Variants in SHISA9 observed in about 807,000 individuals in gnomAD.
SHISA9 encodes protein shisa-9.
A neutral mutation model predicts 38.0 loss-of-function variants in SHISA9; 13 were observed. The ratio of observed to expected loss-of-function variants is 0.34; its 90% CI spans 0.22 to 0.54. SHISA9 has a LOEUF of 0.54. Among genes scored for constraint, SHISA9 ranks in the 20% least tolerant of loss-of-function variants. SHISA9 has a pLI of 0.91. For missense variants in SHISA9, 538 were observed against 575.8 expected (o/e 0.93, Z 0.67); for synonymous variants, 275 against 242.0 (o/e 1.14, Z -1.27).
the SHISA9 span, among the ~76,000 whole-genome samples, chr16:13,475,357 A>G: frequency 6.6e-6 from 1 of 151,718 alleles, no homozygotes; most frequent in Admixed American, 6.6e-5. Flanking sequence ...TCACATATAT[A>G]TTTATATATA....
At chr16:13,026,922 C>G (rs2072929663) in intron 2 of SHISA9, among the ~76,000 whole-genome samples, 1 of 152,164 alleles carries the variant, frequency 6.6e-6, no homozygotes, top group African/African-American at 2.4e-5. Flanking sequence ...CCCCTCCCCT[C>G]CTTGATCAGA....
intron 2 of SHISA9, among the ~76,000 whole-genome samples, chr16:13,121,668 G>A (rs2050211800): frequency 6.6e-6 from 1 of 152,058 alleles, no homozygotes; most frequent in Non-Finnish European, 1.5e-5. Flanking sequence ...TGCTCTGCAA[G>A]CATCCACACC....
intron 3 of SHISA9, among the ~76,000 whole-genome samples, chr16:13,207,434 T>C (rs529645348): frequency 5.9e-5 from 9 of 152,058 alleles, no homozygotes; most frequent in African/African-American, 1.9e-4. Context: ...CTGAAATGTT[T>C]GTTGAATGAA....
At chr16:13,288,514 G>A in the SHISA9 span, among the ~76,000 whole-genome samples, 803 of 152,160 alleles carry the variant, frequency 5.3e-3, 3 homozygotes, top group African/African-American at 0.015. Flanking sequence ...ATCTGTTTTC[G>A]GCCAGGTGGG....
the SHISA9 span, among the ~76,000 whole-genome samples, chr16:13,330,633 A>G: frequency 6.6e-6 from 1 of 152,202 alleles, no homozygotes; most frequent in African/African-American, 2.4e-5. Flanking sequence ...TTTAGATAGT[A>G]CAGTGTTTAG....
chr16:13,557,526 G>T, the SHISA9 span, among the ~76,000 whole-genome samples: 1 of 152,054 alleles, frequency 6.6e-6, no homozygotes, highest in African/African-American at 2.4e-5. Flanking sequence ...GCGAGAAGAG[G>T]GTGGTTATTA....
At chr16:13,516,797 C>CAAA in the SHISA9 span, among the ~76,000 whole-genome samples, 1,123 of 144,324 alleles carry the variant, frequency 7.8e-3, 19 homozygotes, top group African/African-American at 0.028. Context: ...GATTCCATCC[C>CAAA]AAAAAAAAAA....
intron 2 of SHISA9, among the ~76,000 whole-genome samples, chr16:13,127,090 G>A (rs189366239): frequency 5.6e-5 from 8 of 143,724 alleles, no homozygotes; most frequent in Admixed American, 4.1e-4. Flanking sequence ...GACAGCTGAG[G>A]GAAGGAAAGA....
rs538188638 is a variant in SHISA9, at chr16:13,051,998, C to T, written c.691+135183C>T. Among the ~76,000 whole-genome samples the T allele has an allele frequency of 2.4e-3, 364 of 152,192 alleles. 2 individuals are homozygous for T. Among genetic ancestry groups the T allele is most frequent in the African/African-American group, 8.1e-3 (337 of 41,520 alleles). ...CAGGCTGGTCTCGAACTCCTGACCT[C>T]GTGATCCGCCTGCCTCGGCCTCCCA... On this transcript the variant is annotated intron_variant, in intron 2 of 4. Transcript: ENST00000558583.
At chr16:13,273,363 T>C in the SHISA9 span, among the ~76,000 whole-genome samples, 4 of 152,190 alleles carry the variant, frequency 2.6e-5, no homozygotes, top group South Asian at 2.1e-4. Context: ...CCATGTGTTG[T>C]GGGAGGGACC....
intron 2 of SHISA9, among the ~76,000 whole-genome samples, chr16:12,970,369 A>G (rs1365785025): frequency 2.2e-5 from 2 of 92,402 alleles, no homozygotes; most frequent in South Asian, 3.1e-4. Context: ...ATATATATAT[A>G]CATATATATA....
At chr16:13,002,156 C>G (rs1055713122) in intron 2 of SHISA9, among the ~76,000 whole-genome samples, 2 of 152,172 alleles carry the variant, frequency 1.3e-5, no homozygotes, top group African/African-American at 4.8e-5. Flanking sequence ...CTATGATATG[C>G]CAGGACCTTT....
chr16:13,035,757 C>G (rs968267424), intron 2 of SHISA9, among the ~76,000 whole-genome samples: 2 of 152,288 alleles, frequency 1.3e-5, no homozygotes, highest in South Asian at 4.1e-4. Flanking sequence ...CCTCAAACTC[C>G]TGACCTCAGG....
chr16:13,193,858 C>G (rs895586432), intron 2 of SHISA9, among the ~76,000 whole-genome samples: 11 of 152,244 alleles, frequency 7.2e-5, no homozygotes, highest in African/African-American at 2.6e-4. Context: ...ACCAGGCAAC[C>G]TTTTGGTTAG....
intron 4 of SHISA9, among the ~76,000 whole-genome samples, chr16:13,230,834 C>A (rs913479224): frequency 6.6e-6 from 1 of 152,140 alleles, no homozygotes; most frequent in Non-Finnish European, 1.5e-5. Flanking sequence ...TTATGCCTCG[C>A]CTTTTTCGAC....
At chr16:13,416,812 GGGAAGGAAT>G in the SHISA9 span, among the ~76,000 whole-genome samples, 16 of 119,288 alleles carry the variant, frequency 1.3e-4, no homozygotes, top group African/African-American at 4.8e-4. Context: ...AAGGAAGGAA[GGGAAGGAAT>G]GAAGGAAGGA....
At chr16:13,536,045 C>G in the SHISA9 span, among the ~76,000 whole-genome samples, 2 of 150,870 alleles carry the variant, frequency 1.3e-5, no homozygotes, top group Non-Finnish European at 2.9e-5. Context: ...GTCACCTAGG[C>G]TGGAGTTCAA....
chr16:12,908,933 T>C, intron 1 of SHISA9: 1 of 1,008,872 alleles, frequency 9.9e-7, no homozygotes, highest in Non-Finnish European at 1.2e-6. Flanking sequence ...TCCTGTGTGT[T>C]TTTAAAACAT....
At chr16:13,118,023 A>G (rs894937881) in intron 2 of SHISA9, among the ~76,000 whole-genome samples, 3 of 151,956 alleles carry the variant, frequency 2.0e-5, no homozygotes, top group Non-Finnish European at 4.4e-5. Context: ...CTCTACTAAA[A>G]ATACAAAAAC....
Sources: allele counts gnomAD v4.1 joint callset (sites outside exome capture counted in the v4.1 genomes callset), GRCh38; gene constraint gnomAD v4.1.1; transcripts MANE v1.5; gene names NCBI Gene and HGNC (gene_info 2026-07-23, HGNC 2026-07-21).